Variants in GPHN observed in about 807,000 individuals in gnomAD.
The protein encoded by GPHN is gephyrin.
GPHN carries 17 observed loss-of-function variants against 95.5 expected under a neutral mutation model. The ratio of observed to expected loss-of-function variants is 0.18; its 90% CI spans 0.12 to 0.27. GPHN has a LOEUF of 0.27. GPHN is among the 10% of genes least tolerant of loss of function. GPHN has a pLI of 1.00. For synonymous variants in GPHN, 320 were observed against 322.5 expected, an observed-to-expected ratio of 0.99 and a Z score of 0.08; for missense variants, 660 against 978.1, an observed-to-expected ratio of 0.67 and a Z score of 4.34.
chr14:66,684,288 C>A (rs1475797304), intron 2 of GPHN, among the ~76,000 whole-genome samples: 2 of 152,040 alleles, frequency 1.3e-5, no homozygotes, highest in African/African-American at 4.8e-5. Context: ...AAGGAAAACC[C>A]AGGCTTATCT....
intron 9 of GPHN, among the ~76,000 whole-genome samples, chr14:66,997,889 C>A (rs2153608304): frequency 6.6e-6 from 1 of 152,256 alleles, no homozygotes; most frequent in South Asian, 2.1e-4. Flanking sequence ...AGGTTGGTAT[C>A]ATCTCATCAC....
At chr14:67,369,072 G>A in the GPHN span, among the ~76,000 whole-genome samples, 1 of 152,124 alleles carries the variant, frequency 6.6e-6, no homozygotes, top group Non-Finnish European at 1.5e-5. Flanking sequence ...TGTAAATCAA[G>A]TAAATATTCC....
At chr14:66,957,940 A>T (rs117318980) in intron 8 of GPHN, among the ~76,000 whole-genome samples, 3 of 152,194 alleles carry the variant, frequency 2.0e-5, no homozygotes, top group Non-Finnish European at 2.9e-5. Context: ...CTAATCCCTG[A>T]TGATCTGAGG....
intron 11 of GPHN, among the ~76,000 whole-genome samples, chr14:67,061,639 C>A (rs1214283752): frequency 6.6e-6 from 1 of 152,028 alleles, no homozygotes; most frequent in Admixed American, 6.6e-5. Flanking sequence ...CATGATGATT[C>A]TTACTTCTTA....
At chr14:66,613,347 C>A (rs1283499451) in intron 1 of GPHN, among the ~76,000 whole-genome samples, 1 of 152,056 alleles carries the variant, frequency 6.6e-6, no homozygotes, top group Non-Finnish European at 1.5e-5. Flanking sequence ...TTCTTGCACT[C>A]AGGAATACTA....
chr14:66,813,708 C>T (rs1174334880), intron 3 of GPHN, among the ~76,000 whole-genome samples: 1 of 152,200 alleles, frequency 6.6e-6, no homozygotes, highest in Non-Finnish European at 1.5e-5. Flanking sequence ...CTAGACTTCA[C>T]TTGCTCCCAT....
intron 9 of GPHN, among the ~76,000 whole-genome samples, chr14:66,977,228 G>A (rs1017663532): frequency 1.5e-4 from 23 of 152,030 alleles, no homozygotes; most frequent in Non-Finnish European, 5.9e-5. Flanking sequence ...CCAGGAGATC[G>A]AGACCATCCT....
chr14:67,332,718 C>T, the GPHN span: 1 of 1,507,218 alleles, frequency 6.6e-7, no homozygotes, highest in Non-Finnish European at 9.0e-7. Flanking sequence ...CCATCTCTGA[C>T]TCATCCTATA....
At chr14:67,032,765 T>C (rs920964718) in intron 10 of GPHN, among the ~76,000 whole-genome samples, 15 of 152,146 alleles carry the variant, frequency 9.9e-5, no homozygotes, top group African/African-American at 3.6e-4. Flanking sequence ...CTAGCCAGGT[T>C]GATTGGTGAG....
chr14:67,592,781 TTTTCC>T, the GPHN span: 1 of 1,010,382 alleles, frequency 9.9e-7, no homozygotes, highest in East Asian at 2.5e-5. Context: ...CTTTTTTTCT[TTTTCC>T]TTTATTTATT....
At chr14:67,080,341 T>C (rs1373180302) in intron 11 of GPHN, among the ~76,000 whole-genome samples, 1 of 152,070 alleles carries the variant, frequency 6.6e-6, no homozygotes, top group Non-Finnish European at 1.5e-5. Flanking sequence ...TTGCAATTAT[T>C]TTCTCTCATT....
the GPHN span, among the ~76,000 whole-genome samples, chr14:67,668,462 G>A: frequency 6.6e-6 from 1 of 152,188 alleles, no homozygotes; most frequent in Non-Finnish European, 1.5e-5. Context: ...GTACTTTGGA[G>A]AAATACAGTT....
At chr14:67,347,863 C>T in the GPHN span, among the ~76,000 whole-genome samples, 1 of 151,660 alleles carries the variant, frequency 6.6e-6, no homozygotes, top group Non-Finnish European at 1.5e-5. Flanking sequence ...AAATCAAGAG[C>T]TTAAGTATGG....
chr14:67,381,725 G>C, the GPHN span: 3 of 1,452,430 alleles, frequency 2.1e-6, no homozygotes, highest in Non-Finnish European at 2.9e-6. Flanking sequence ...CTGCTGAAAT[G>C]CTCACCTAAA....
At chr14:67,355,634 T>C in the GPHN span, among the ~76,000 whole-genome samples, 1 of 152,018 alleles carries the variant, frequency 6.6e-6, no homozygotes, top group Non-Finnish European at 1.5e-5. Flanking sequence ...GAGCCAGTTA[T>C]AAGTTCCGGG....
chr14:67,058,913 C>CTT (rs112796626), intron 11 of GPHN, 127 bp downstream of exon 11: 1 of 856,704 alleles, frequency 1.2e-6, no homozygotes, highest in South Asian at 1.5e-5. Flanking sequence ...TATCATCATT[C>CTT]TTTTTTTTTC....
In GPHN at chr14:66,514,339, AT is replaced by A. The variant is rs1225996185; in HGVS notation, c.64+5751del. Among the ~76,000 whole-genome samples the A allele has an allele frequency of 7.2e-5, 11 of 152,120 alleles. No individual in the cohort carries two copies. The East Asian group carries it at 1.3e-3, about 19-fold the overall frequency. On this transcript the variant is annotated intron_variant, in intron 1 of 22. Transcript: ENST00000478722. ...CGTTATTGACACTTCATGGCAAAAAATTTAAGGAGCACTGAATCATAGAAAG... is the reference window on the plus strand; with the variant it reads ...CGTTATTGACACTTCATGGCAAAAAATTAAGGAGCACTGAATCATAGAAAG...
chr14:67,515,423 C>T, the GPHN span: 1 of 184,504 alleles, frequency 5.4e-6, no homozygotes, highest in Non-Finnish European at 1.1e-5. Flanking sequence ...GCGGCGGCGG[C>T]GGCGGCGGCG....
intron 1 of GPHN, among the ~76,000 whole-genome samples, chr14:66,532,911 A>G (rs1341212133): frequency 2.0e-5 from 3 of 152,176 alleles, no homozygotes; most frequent in Non-Finnish European, 4.4e-5. Flanking sequence ...CAGTGTTTCT[A>G]AAATGTTTGA....
Sources: gnomAD v4.1 joint callset for allele counts (sites outside exome capture counted in the v4.1 genomes callset) on GRCh38, gnomAD v4.1.1 for gene constraint, MANE v1.5 for transcripts, NCBI Gene and HGNC (gene_info 2026-07-23, HGNC 2026-07-21) for gene names.